Variants in CSMD3 observed in about 807,000 individuals in gnomAD.
CSMD3 encodes CUB and sushi domain-containing protein 3.
Under a neutral mutation model 435.2 loss-of-function variants are expected in CSMD3, and 177 were observed. The ratio of observed to expected loss-of-function variants is 0.41; its 90% confidence interval spans 0.36 to 0.46. The LOEUF (loss-of-function observed/expected upper bound fraction) is 0.46, where lower values mean the gene tolerates loss of function less well. Ranked by LOEUF, CSMD3 falls within the 20% of genes least tolerant of loss-of-function variation. The pLI is 0.34. For missense variants in CSMD3, 4,265 were observed against 4,504.6 expected (o/e 0.95, Z 1.52); for synonymous variants, 1,656 against 1,520.5 (o/e 1.09, Z -2.07).
chr8:113,403,282 A>T (rs2094518301), intron 1 of CSMD3, among the ~76,000 whole-genome samples: 1 of 151,424 alleles, frequency 6.6e-6, no homozygotes, highest in African/African-American at 2.4e-5. Flanking sequence ...TCCTCTTGAA[A>T]AGATAATATT....
intron 10 of CSMD3, among the ~76,000 whole-genome samples, chr8:112,897,329 A>G (rs2081976042): frequency 6.6e-6 from 1 of 151,420 alleles, no homozygotes; most frequent in Non-Finnish European, 1.5e-5. Context: ...CCAGACACAG[A>G]ATGCACTCAA....
At chr8:113,432,725 G>A (rs751572441) in intron 1 of CSMD3, among the ~76,000 whole-genome samples, 10 of 152,324 alleles carry the variant, frequency 6.6e-5, no homozygotes, top group Non-Finnish European at 8.8e-5. Context: ...AGTGAGGACA[G>A]CGCTGCGGTC....
At chr8:112,439,969 C>G (rs1306294467) in intron 32 of CSMD3, among the ~76,000 whole-genome samples, 1 of 152,038 alleles carries the variant, frequency 6.6e-6, no homozygotes, top group Non-Finnish European at 1.5e-5. Flanking sequence ...CCTGGCCCCT[C>G]CCAAATCTCA....
intron 13 of CSMD3, among the ~76,000 whole-genome samples, chr8:112,761,906 C>T (rs948691738): frequency 2.6e-5 from 4 of 151,964 alleles, no homozygotes; most frequent in South Asian, 2.1e-4. Flanking sequence ...TTACTGCAAC[C>T]GAAAATCTTG....
At chr8:113,018,870 T>C in intron 6 of CSMD3, 197 bp downstream of exon 6, 1 of 589,192 alleles carries the variant, frequency 1.7e-6, no homozygotes, top group Non-Finnish European at 3.0e-6. Flanking sequence ...TTCTGAATAT[T>C]ATACTATAAA....
intron 38 of CSMD3, among the ~76,000 whole-genome samples, chr8:112,364,033 G>T (rs1827513980): frequency 1.3e-5 from 2 of 151,778 alleles, no homozygotes; most frequent in Non-Finnish European, 2.9e-5. Context: ...TTAGCTCAAG[G>T]GAGAAGACCA....
At chr8:113,367,761 A>T (rs1232461807) in intron 1 of CSMD3, among the ~76,000 whole-genome samples, 2 of 151,966 alleles carry the variant, frequency 1.3e-5, no homozygotes, top group Admixed American at 6.6e-5. Context: ...TGAATGCTGT[A>T]TGACTGTATT....
chr8:112,567,926 C>T (rs186359136), intron 24 of CSMD3, among the ~76,000 whole-genome samples: 4 of 152,178 alleles, frequency 2.6e-5, no homozygotes, highest in East Asian at 3.9e-4. Flanking sequence ...ACTTGTGTCG[C>T]GTAAAGTACC....
At chr8:112,379,383 C>G (rs566616580) in intron 38 of CSMD3, among the ~76,000 whole-genome samples, 2 of 152,066 alleles carry the variant, frequency 1.3e-5, no homozygotes, top group Admixed American at 1.3e-4. Context: ...GCAAAAGAAT[C>G]GCTTGAACCC....
At chr8:112,700,169 T>A (rs551912243) in intron 13 of CSMD3, among the ~76,000 whole-genome samples, 5 of 152,206 alleles carry the variant, frequency 3.3e-5, no homozygotes, top group African/African-American at 1.2e-4. Context: ...CCGTAGTAGT[T>A]TTAAAACATG....
intron 1 of CSMD3, among the ~76,000 whole-genome samples, chr8:113,332,133 A>G (rs1326139351): frequency 6.6e-6 from 1 of 151,664 alleles, no homozygotes; most frequent in African/African-American, 2.4e-5. Flanking sequence ...TTAAATTTAC[A>G]CTATACTATA....
chr8:112,525,827 A>AG (rs1824877918), intron 27 of CSMD3, among the ~76,000 whole-genome samples: 1 of 125,038 alleles, frequency 8.0e-6, no homozygotes, highest in Non-Finnish European at 1.7e-5. Flanking sequence ...CATATAAAAA[A>AG]TATATATATA....
intron 28 of CSMD3, 91 bp downstream of exon 28, chr8:112,516,943 T>C (rs1447884949): frequency 1.3e-5 from 12 of 945,594 alleles, no homozygotes; most frequent in Non-Finnish European, 2.0e-5. Flanking sequence ...TCATATAGAA[T>C]CTAGTCTAGA....
chr8:113,124,485 G>GA (rs1302579502), intron 4 of CSMD3, among the ~76,000 whole-genome samples: 10 of 75,552 alleles, frequency 1.3e-4, no homozygotes, highest in Admixed American at 4.9e-4. Flanking sequence ...AACCTTGTGG[G>GA]AAAAAAGAAA....
intron 35 of CSMD3, among the ~76,000 whole-genome samples, chr8:112,397,091 C>T (rs1167990518): frequency 1.3e-5 from 2 of 152,130 alleles, no homozygotes; most frequent in Non-Finnish European, 2.9e-5. Flanking sequence ...AGACACTGAG[C>T]TTTTTCTATC....
chr8:113,071,789 G>T (rs1429204722), intron 5 of CSMD3, among the ~76,000 whole-genome samples: 1 of 151,728 alleles, frequency 6.6e-6, no homozygotes, highest in Non-Finnish European at 1.5e-5. Flanking sequence ...CTAATTCTTT[G>T]AAGTGGAGTC....
chr8:113,417,564 A>G (rs922521027), intron 1 of CSMD3, among the ~76,000 whole-genome samples: 3 of 152,016 alleles, frequency 2.0e-5, no homozygotes, highest in African/African-American at 7.2e-5. Flanking sequence ...GTTTGTGAAG[A>G]TAGGAGTTTA....
chr8:112,243,340 TA>T (rs1208132325), intron 65 of CSMD3, among the ~76,000 whole-genome samples: 1 of 152,176 alleles, frequency 6.6e-6, no homozygotes, highest in East Asian at 1.9e-4. Flanking sequence ...CTGCATTAGA[TA>T]AAACATTAGG....
intron 13 of CSMD3, among the ~76,000 whole-genome samples, chr8:112,782,948 G>C (rs1323941600): frequency 6.6e-6 from 1 of 152,032 alleles, no homozygotes; most frequent in East Asian, 1.9e-4. Context: ...GCTTAAGGAA[G>C]TTCTTCAATC....
Sources: gnomAD v4.1 joint callset for allele counts (sites outside exome capture counted in the v4.1 genomes callset) on GRCh38, gnomAD v4.1.1 for gene constraint, MANE v1.5 for transcripts, NCBI Gene and HGNC (gene_info 2026-07-23, HGNC 2026-07-21) for gene names.